CACNA1B: variants seen among roughly 807,000 people sequenced by gnomAD.
The protein encoded by CACNA1B is voltage-dependent N-type calcium channel subunit alpha-1B.
In CACNA1B, 70 loss-of-function variants were observed where a neutral mutation model predicts 247.2. That is an observed-to-expected ratio of 0.28 (90% CI 0.23 to 0.35). CACNA1B has a LOEUF of 0.35. CACNA1B is among the 10% of genes least tolerant of loss of function. The pLI is 1.00. For synonymous variants in CACNA1B, 1,231 were observed against 1,294.4 expected, an observed-to-expected ratio of 0.95 and a Z score of 1.05; for missense variants, 2,367 against 3,197.4, an observed-to-expected ratio of 0.74 and a Z score of 6.26.
chr9:138,068,699 C>CGT (rs1960017104), intron 31 of CACNA1B: 2 of 504,342 alleles, frequency 4.0e-6, no homozygotes, highest in Non-Finnish European at 7.9e-6. Flanking sequence ...GTGGTTTCTG[C>CGT]GTGTGTGTGC....
At chr9:138,088,384 G>T (rs956511280) in intron 36 of CACNA1B, among the ~76,000 whole-genome samples, 8 of 151,506 alleles carry the variant, frequency 5.3e-5, no homozygotes, top group Non-Finnish European at 1.0e-4. Flanking sequence ...AAAAAAAATT[G>T]TTTTTTTGAA....
chr9:138,086,868 G>A (rs921706985), intron 36 of CACNA1B, among the ~76,000 whole-genome samples: 5 of 151,276 alleles, frequency 3.3e-5, no homozygotes, highest in Admixed American at 2.0e-4. Flanking sequence ...GTACACATTA[G>A]CTGCTTCATC....
intron 3 of CACNA1B, among the ~76,000 whole-genome samples, chr9:137,900,010 T>C (rs780984994): frequency 6.6e-6 from 1 of 152,120 alleles, no homozygotes; most frequent in Non-Finnish European, 1.5e-5. Flanking sequence ...TAGTTTCTCA[T>C]AGAACATAAC....
chr9:137,901,971 G>T (rs959166339), intron 3 of CACNA1B, among the ~76,000 whole-genome samples: 1 of 152,198 alleles, frequency 6.6e-6, no homozygotes, highest in Non-Finnish European at 1.5e-5. Flanking sequence ...GATTACAGGC[G>T]TGAGCCACTG....
In CACNA1B at chr9:138,010,657, T is replaced by G. The variant is rs1237480984; in HGVS notation, c.2160+580T>G. Among the ~76,000 whole-genome samples, 7 of 152,112 alleles carry G rather than the reference T, an allele frequency of 4.6e-5. No individual in the cohort carries two copies. The highest frequency in any genetic ancestry group is 2.9e-5 in the Non-Finnish European group (2 of 68,000). Reference sequence around the variant, plus strand: ...GAGGTGGTGCTGCCTTCTGGTTTGGTGTGAACCACGCTGCAAACGTCCCAC... The same window carrying G: ...GAGGTGGTGCTGCCTTCTGGTTTGGGGTGAACCACGCTGCAAACGTCCCAC... On this transcript the variant is annotated intron_variant, in intron 17 of 46. Transcript: ENST00000371372. The surrounding 1 kb of genome is among the most constrained non-coding windows in gnomAD (Gnocchi z 5.3).
chr9:138,107,059 A>C (rs1017383302), intron 39 of CACNA1B, among the ~76,000 whole-genome samples: 1 of 152,002 alleles, frequency 6.6e-6, no homozygotes, highest in Non-Finnish European at 1.5e-5. Context: ...CCTTTGTGCC[A>C]TGGAATGTTC....
chr9:138,100,179 G>A lies in CACNA1B; in HGVS notation c.5223-2532G>A, dbSNP rs1961205730. Among the ~76,000 whole-genome samples the A allele has an allele frequency of 6.6e-6, 1 of 152,262 alleles. No individual in the cohort carries two copies. Among genetic ancestry groups the A allele is most frequent in the African/African-American group, 2.4e-5 (1 of 41,472 alleles). ...AGGATGGATTGAGCTGGGGATGGGA[G>A]GTGGGGCAGAGGGAAGAGGGAGGCC... On this transcript the variant is annotated intron_variant, in intron 37 of 46. Transcript: ENST00000371372. This position sits in a 1 kb window ranked among gnomAD's most constrained non-coding sequence, Gnocchi z 4.6.
At position 137,972,000 on chromosome 9, in the gene CACNA1B, G is replaced by C. The variant is rs755504821; in HGVS notation, c.1543+408G>C. ...TTAGCCCCACGCTCCTTTCCACCAC[G>C]TGGCTGCTGATTCTGCCCCGGGTTC... On this transcript the variant is annotated intron_variant, in intron 11 of 46. Transcript: ENST00000371372. The surrounding 1 kb of genome is among the most constrained non-coding windows in gnomAD (Gnocchi z 4.4). Among the ~76,000 whole-genome samples the C allele has an allele frequency of 6.6e-6, 1 of 152,138 alleles. No homozygotes were observed. Among genetic ancestry groups the C allele is most frequent in the African/African-American group, 2.4e-5 (1 of 41,438 alleles).
rs1238163034 is a variant in CACNA1B, at chr9:138,058,137, T to C, written c.4195T>C (p.Tyr1399His). 6.2e-7 allele frequency: 1 copy of C among 1,613,882 alleles called. No homozygotes were observed. Among genetic ancestry groups the C allele is most frequent in the South Asian group, 1.1e-5 (1 of 91,076 alleles). ...GGAGCTGTCCATCTTCTACGTGGTC[T>C]ACTTTGTGGTCTTTCCCTTCTTCTT... ...RMELSIFYVVYFVVFPFFFVN... is the reference protein window; with the variant it reads ...RMELSIFYVVHFVVFPFFFVN... The change falls in exon 28 of 47, where the codon TAC becomes CAC. Residue 1399 changes from tyrosine (Y) to histidine (H), a missense_variant. Physicochemically the swap from Tyr to His is moderately conservative, Grantham distance 83. Around this residue, in one of 12 missense-constraint regions of CACNA1B, gnomAD observed 436 missense variants for 679.5 expected, o/e 0.64. Coordinates refer to ENST00000371372, the MANE Select transcript of CACNA1B (RefSeq NM_000718.4). The surrounding 1 kb of genome is among the most constrained non-coding windows in gnomAD (Gnocchi z 4.7).
In CACNA1B at chr9:138,056,436, G is replaced by A. The variant is rs561845323; in HGVS notation, c.3969-1296G>A. ...TGTTCCTTGTTACGGCTGAATATGT[G>A]TTCTGTGCTGTGCCACATTTTCCTT... On this transcript the variant is annotated intron_variant, in intron 26 of 46. Transcript: ENST00000371372. Among the ~76,000 whole-genome samples, 4 of 152,344 alleles carry A rather than the reference G, an allele frequency of 2.6e-5. No individual in the cohort carries two copies. The South Asian group carries it at 6.2e-4, about 24-fold the overall frequency.
In CACNA1B at chr9:137,945,391, G is replaced by T. The variant is rs375804075; in HGVS notation, c.967-6883G>T. 3.3e-5 allele frequency among the ~76,000 whole-genome samples: 5 copies of T among 152,218 alleles called. No homozygotes were observed. The East Asian group carries it at 9.7e-4, about 29-fold the overall frequency. On this transcript the variant is annotated intron_variant, in intron 6 of 46. Transcript: ENST00000371372. ...TGGAAAAACTCTGGGTCTTGTCTGC[G>T]GTTCCCAAGGGCATCCCCACCTCTG...
rs117838490 is a variant in CACNA1B, at chr9:137,913,137, A to G, written c.531-43A>G. 1.0e-4 allele frequency: 154 copies of G among 1,513,778 alleles called. 1 individual carries two copies. In the East Asian group the frequency reaches 2.6e-3, roughly 26 times the overall value. The allele number at this position is 1,513,778 out of a possible 1,614,324, so 93.8% of individuals were successfully genotyped here. Reference sequence around the variant, plus strand: ...AGGAGTGTGTCCTCTTCCAGGCTCAATGTGGAAACCTTTACTTCCCTTCTT... The same window carrying G: ...AGGAGTGTGTCCTCTTCCAGGCTCAGTGTGGAAACCTTTACTTCCCTTCTT... On this transcript the variant is annotated intron_variant, in intron 3 of 46. Transcript: ENST00000371372. This position sits in a 1 kb window ranked among gnomAD's most constrained non-coding sequence, Gnocchi z 5.2.
In CACNA1B at chr9:137,957,716, G is replaced by T. The variant is rs201804266; in HGVS notation, c.1333+29G>T. Reference sequence around the variant, plus strand: ...AGTCTCAGGGTGTCCCTCCAGCTCTGCCAGGCTTGAGCTGGACATGGAGTG... The same window carrying T: ...AGTCTCAGGGTGTCCCTCCAGCTCTTCCAGGCTTGAGCTGGACATGGAGTG... On this transcript the variant is annotated intron_variant, in intron 10 of 46. Coordinates refer to ENST00000371372, the MANE Select transcript of CACNA1B (RefSeq NM_000718.4). The surrounding 1 kb of genome is among the most constrained non-coding windows in gnomAD (Gnocchi z 4.7). 3.4e-6 allele frequency: 5 copies of T among 1,485,918 alleles called. No homozygotes were observed. Among genetic ancestry groups the T allele is most frequent in the Non-Finnish European group, 4.6e-6 (5 of 1,091,890 alleles). 92.0% of individuals were successfully genotyped at this position (1,485,918 alleles called of 1,614,324 possible).
At chr9:137,898,592 A>G (rs572520247) in intron 3 of CACNA1B, among the ~76,000 whole-genome samples, 1 of 151,926 alleles carries the variant, frequency 6.6e-6, no homozygotes, top group East Asian at 1.9e-4. Context: ...TGCAGCCTCC[A>G]CCTTCCAGGC....
chr9:138,121,647 T>C lies in CACNA1B; in HGVS notation c.6668T>C (p.Phe2223Ser), dbSNP rs1962105303. The C allele has an allele frequency of 6.2e-7, 1 of 1,612,706 alleles. No individual in the cohort carries two copies. Among genetic ancestry groups the C allele is most frequent in the Non-Finnish European group, 8.5e-7 (1 of 1,179,328 alleles). Residue 2223 changes from phenylalanine (F) to serine (S), a missense_variant, in exon 47 of 47, where the codon TTC (phenylalanine) becomes TCC (serine). Physicochemically the swap from Phe to Ser is radical, Grantham distance 155. This residue lies in a region of CACNA1B where 773 missense variants were observed against 779.4 expected (regional missense o/e 0.99). Coordinates refer to ENST00000371372, the MANE Select transcript of CACNA1B (RefSeq NM_000718.4). This position sits in a 1 kb window ranked among gnomAD's most constrained non-coding sequence, Gnocchi z 6.8. ...FAGAQTSLPA[F>S]SPGRLSRGLS... ...GGGGCTCAGACCAGCCTCCCTGCCT[T>C]CTCCCCAGGCCGGCTCAGCCGTGGG...
At chr9:138,116,579 C>CT (rs1462254645) in intron 42 of CACNA1B, among the ~76,000 whole-genome samples, 1 of 152,228 alleles carries the variant, frequency 6.6e-6, no homozygotes, top group Non-Finnish European at 1.5e-5. Flanking sequence ...TGGGGTTTAT[C>CT]TAAGCCAGGC....
rs4077399 is a variant in CACNA1B, at chr9:137,954,566, C to T, written c.1071-1132C>T. ...AAGCAGTGATGTCCTTGCCCTTCCCCTGCCCCCCAGGCCCTCTCATTCTCA... is the reference window on the plus strand; with the variant it reads ...AAGCAGTGATGTCCTTGCCCTTCCCTTGCCCCCCAGGCCCTCTCATTCTCA... On this transcript the variant is annotated intron_variant, in intron 7 of 46. Coordinates refer to ENST00000371372, the MANE Select transcript of CACNA1B (RefSeq NM_000718.4). This position sits in a 1 kb window ranked among gnomAD's most constrained non-coding sequence, Gnocchi z 4.1. 0.26 allele frequency among the ~76,000 whole-genome samples: 39,482 copies of T among 151,992 alleles called. 7,111 individuals carry two copies. Among genetic ancestry groups the T allele is most frequent in the African/African-American group, 0.51 (21,008 of 41,384 alleles).
intron 15 of CACNA1B, among the ~76,000 whole-genome samples, chr9:137,994,431 T>C (rs986878444): frequency 1.3e-5 from 2 of 152,236 alleles, no homozygotes; most frequent in Admixed American, 1.3e-4. Context: ...GCCGATGATA[T>C]GATTATTTAT....
At position 137,967,338 on chromosome 9, in the gene CACNA1B, C is replaced by T. The variant is rs149067165; in HGVS notation, c.1334-4045C>T. Among the ~76,000 whole-genome samples, 384 of 152,314 alleles carry T rather than the reference C, an allele frequency of 2.5e-3. 2 individuals are homozygous for T. The highest frequency in any genetic ancestry group is 4.2e-3 in the Non-Finnish European group (288 of 68,028). On this transcript the variant is annotated intron_variant, in intron 10 of 46. Coordinates refer to ENST00000371372, the MANE Select transcript of CACNA1B (RefSeq NM_000718.4). ...AGCCTTTCCAGTACTTGCCCTGCCT[C>T]CGCATCCTGGTTTGAGGGTGTTCAC...
Sources: allele counts gnomAD v4.1 joint callset (sites outside exome capture counted in the v4.1 genomes callset), GRCh38; gene constraint gnomAD v4.1.1; regional missense constraint gnomAD v4.1.1; non-coding constraint Gnocchi (gnomAD v3.1); transcripts MANE v1.5; gene names NCBI Gene and HGNC (gene_info 2026-07-23, HGNC 2026-07-21).